Variants in IQCM observed in about 807,000 individuals in gnomAD.
IQCM encodes IQ domain-containing protein M.
In IQCM, 45 loss-of-function variants were observed where a neutral mutation model predicts 57.6. That is an observed-to-expected ratio of 0.78 (90% CI 0.62 to 1.00). The LOEUF (loss-of-function observed/expected upper bound fraction) is 1.00, where lower values mean the gene tolerates loss of function less well. IQCM is among the 50% of genes least tolerant of loss of function. The pLI, the probability that IQCM is intolerant of heterozygous loss-of-function variation, is 0.00. For synonymous variants in IQCM, 148 were observed against 158.9 expected (o/e 0.93, Z 0.51); for missense variants, 468 against 511.6 (o/e 0.91, Z 0.82).
intron 2 of IQCM, among the ~76,000 whole-genome samples, chr4:149,812,048 G>T (rs1291022851): frequency 6.6e-6 from 1 of 152,116 alleles, no homozygotes; most frequent in Non-Finnish European, 1.5e-5. Flanking sequence ...TTCCTAACTA[G>T]GAGAATAAAG....
In IQCM at chr4:149,771,199, C is replaced by T. The variant is rs73857757; in HGVS notation, c.-48-28460G>A. Among the ~76,000 whole-genome samples the T allele has an allele frequency of 9.6e-3, 1,459 of 152,062 alleles. 15 individuals are homozygous for T. Among genetic ancestry groups the T allele is most frequent in the Middle Eastern group, 0.041 (12 of 294 alleles). On this transcript the variant is annotated intron_variant, in intron 2 of 13. Coordinates refer to ENST00000636793, the MANE Select transcript of IQCM (RefSeq NM_001363507.2). ...AACTGTTATCTATGAAACAGAATATCATTGCCTGCCAAGAACCCTCTTAGC... is the reference window on the plus strand; with the variant it reads ...AACTGTTATCTATGAAACAGAATATTATTGCCTGCCAAGAACCCTCTTAGC...
chr4:149,511,395 G>T (rs771033733), intron 12 of IQCM, among the ~76,000 whole-genome samples: 70 of 151,934 alleles, frequency 4.6e-4, no homozygotes, highest in Non-Finnish European at 9.6e-4. Flanking sequence ...AGACATGGTG[G>T]TACATGTCTG....
chr4:149,725,244 T>C lies in IQCM; in HGVS notation c.385+8000A>G, dbSNP rs568993582. 1.3e-4 allele frequency among the ~76,000 whole-genome samples: 20 copies of C among 152,264 alleles called. No homozygotes were observed. In the South Asian group the frequency reaches 4.1e-3, roughly 32 times the overall value. On this transcript the variant is annotated intron_variant, in intron 5 of 13. Transcript: ENST00000636793. ...AATGCAACTGAATTTGTCTGGGCTG[T>C]CTGAGCAGAAACTACATACTCTAAA... is the stretch of plus-strand genomic sequence containing the variant.
At chr4:149,667,102 G>A (rs1416452745) in intron 7 of IQCM, among the ~76,000 whole-genome samples, 2 of 152,144 alleles carry the variant, frequency 1.3e-5, no homozygotes, top group Admixed American at 6.5e-5. Flanking sequence ...GCCTCCTCAA[G>A]TGAGTCCCTG....
chr4:149,443,959 G>T (rs543058796), intron 12 of IQCM, among the ~76,000 whole-genome samples: 11 of 151,942 alleles, frequency 7.2e-5, no homozygotes, highest in Non-Finnish European at 1.5e-4. Context: ...GTCAGTAGGG[G>T]AGATTGATAA....
At chr4:149,687,650 A>G (rs1762643684) in intron 5 of IQCM, among the ~76,000 whole-genome samples, 1 of 151,734 alleles carries the variant, frequency 6.6e-6, no homozygotes, top group Non-Finnish European at 1.5e-5. Flanking sequence ...ATAACTAAAA[A>G]GAAAACTACA....
chr4:149,493,898 AAT>A (rs1192962502), intron 12 of IQCM, among the ~76,000 whole-genome samples: 1 of 129,670 alleles, frequency 7.7e-6, no homozygotes, highest in African/African-American at 2.8e-5. Flanking sequence ...AAAAAAAAAA[AAT>A]CTATATTCTG....
intron 10 of IQCM, among the ~76,000 whole-genome samples, chr4:149,558,963 T>C (rs1265009103): frequency 6.6e-5 from 10 of 152,160 alleles, no homozygotes; most frequent in Non-Finnish European, 2.9e-5. Flanking sequence ...GTGTTGAAAA[T>C]TGGACTCTAC....
At chr4:149,481,701 G>GTTTTGTTTTTTTTTTTTTGTTTTTTT (rs1740817619) in intron 12 of IQCM, among the ~76,000 whole-genome samples, 1 of 51,550 alleles carries the variant, frequency 1.9e-5, no homozygotes, top group African/African-American at 7.6e-5. Flanking sequence ...TTCCAGTTTT[G>GTTTTGTTTTTTTTTTTTTGTTTTTTT]TTTTTTTTTT....
At position 149,731,361 on chromosome 4, in the gene IQCM, A is replaced by G. The variant is rs192999615; in HGVS notation, c.385+1883T>C. Among the ~76,000 whole-genome samples, 76 of 152,234 alleles carry G rather than the reference A, an allele frequency of 5.0e-4. No individual in the cohort carries two copies. In the East Asian group the frequency reaches 0.015, roughly 29 times the overall value. ...GAGAGGACAGAGCATTCAAGGTGCC[A>G]TCTTGGAAGCAGAGACTGGACCCTC... On this transcript the variant is annotated intron_variant, in intron 5 of 13. Transcript: ENST00000636793.
chr4:149,506,261 C>G (rs920554671), intron 12 of IQCM, among the ~76,000 whole-genome samples: 6 of 152,160 alleles, frequency 3.9e-5, no homozygotes, highest in Non-Finnish European at 7.4e-5. Context: ...CTTGATAACC[C>G]AAGGAAACTC....
chr4:149,677,881 A>T (rs1368209218), intron 7 of IQCM, among the ~76,000 whole-genome samples: 1 of 151,956 alleles, frequency 6.6e-6, no homozygotes, highest in Non-Finnish European at 1.5e-5. Context: ...TGATAAATAT[A>T]TTTGCTGAAC....
chr4:149,675,079 G>A (rs1412708602), intron 7 of IQCM, among the ~76,000 whole-genome samples: 1 of 151,880 alleles, frequency 6.6e-6, no homozygotes, highest in Non-Finnish European at 1.5e-5. Context: ...TATGATGGAG[G>A]GCAAAATCAT....
chr4:149,591,509 T>A lies in IQCM; in HGVS notation c.682-3512A>T, dbSNP rs185199995. On this transcript the variant is annotated intron_variant, in intron 8 of 13. Transcript: ENST00000636793. ...GGTACATGTGCACAACGTGCAGGTT[T>A]GTTACATATGTATACATGTGCCATA... Among the ~76,000 whole-genome samples, 7 of 152,216 alleles carry A rather than the reference T, an allele frequency of 4.6e-5. No individual in the cohort carries two copies. In the East Asian group the frequency reaches 1.4e-3, roughly 30 times the overall value.
At chr4:149,445,835 G>T (rs780370169) in intron 12 of IQCM, among the ~76,000 whole-genome samples, 2 of 151,708 alleles carry the variant, frequency 1.3e-5, no homozygotes, top group Non-Finnish European at 2.9e-5. Flanking sequence ...AATAAAAAAG[G>T]AATATCATTT....
chr4:149,578,698 A>T (rs954724433), intron 9 of IQCM, among the ~76,000 whole-genome samples: 6 of 151,842 alleles, frequency 4.0e-5, no homozygotes, highest in African/African-American at 1.4e-4. Flanking sequence ...CAGAAAATAA[A>T]TGAATGTCCA....
intron 12 of IQCM, among the ~76,000 whole-genome samples, chr4:149,538,266 A>G (rs1406977514): frequency 6.6e-6 from 1 of 151,848 alleles, no homozygotes; most frequent in Non-Finnish European, 1.5e-5. Context: ...AGGAAGCTGT[A>G]TTGAAGCAAA....
At chr4:149,491,475 C>T (rs555934180) in intron 12 of IQCM, among the ~76,000 whole-genome samples, 3 of 152,160 alleles carry the variant, frequency 2.0e-5, no homozygotes, top group Admixed American at 2.0e-4. Flanking sequence ...ATGAGTACAA[C>T]CTTTTCAGAT....
At chr4:149,748,091 G>A (rs1768097379) in intron 2 of IQCM, among the ~76,000 whole-genome samples, 1 of 152,134 alleles carries the variant, frequency 6.6e-6, no homozygotes, top group African/African-American at 2.4e-5. Context: ...TATGTTTAAA[G>A]AAACTCTGTC....
Sources: gnomAD v4.1 joint callset for allele counts (sites outside exome capture counted in the v4.1 genomes callset) on GRCh38, gnomAD v4.1.1 for gene constraint, MANE v1.5 for transcripts, NCBI Gene and HGNC (gene_info 2026-07-23, HGNC 2026-07-21) for gene names.